Variants in CCDC47 observed in about 807,000 individuals in gnomAD.
The protein encoded by CCDC47 is coiled-coil domain containing 47.
A neutral mutation model predicts 60.5 loss-of-function variants in CCDC47; 41 were observed. That is an observed-to-expected ratio of 0.68 (90% CI 0.53 to 0.88). The LOEUF is 0.88. Among genes scored for constraint, CCDC47 ranks in the 40% least tolerant of loss-of-function variants. The pLI is 0.00. For synonymous variants in CCDC47, 195 were observed against 190.7 expected, an observed-to-expected ratio of 1.02 and a Z score of -0.18; for missense variants, 513 against 580.9, an observed-to-expected ratio of 0.88 and a Z score of 1.20.
At chr17:63,765,316 C>T (rs1332258382) in intron 2 of CCDC47, among the ~76,000 whole-genome samples, 1 of 151,886 alleles carries the variant, frequency 6.6e-6, no homozygotes, top group African/African-American at 2.4e-5. Flanking sequence ...GATGAGTCCC[C>T]ATGCTTTTGA....
intron 12 of CCDC47, among the ~76,000 whole-genome samples, chr17:63,748,029 A>G (rs937410196): frequency 6.8e-6 from 1 of 147,590 alleles, no homozygotes; most frequent in Non-Finnish European, 1.5e-5. Flanking sequence ...TGATTTTTGT[A>G]TTTTTAGCAG....
chr17:63,764,166 A>G lies in CCDC47; in HGVS notation c.397T>C (p.Trp133Arg). ...VDVPAHLQNS[W>R]ESYYLEILMV... ...AAAATTTCTAGATAATAACTCTCCCAGCTGTTCTGGAGGTGTGCAGGAACC... is the reference window on the plus strand; with the variant it reads ...AAAATTTCTAGATAATAACTCTCCCGGCTGTTCTGGAGGTGTGCAGGAACC... Residue 133 changes from tryptophan to arginine, a missense_variant, in exon 4 of 13, where the codon TGG (tryptophan) becomes CGG (arginine). Trp to Arg is a moderately radical substitution (Grantham distance 101, BLOSUM62 -3). Coordinates refer to ENST00000225726, the MANE Select transcript of CCDC47 (RefSeq NM_020198.3). 6 of 1,611,058 alleles carry G rather than the reference A, an allele frequency of 3.7e-6. No homozygotes were observed. The Middle Eastern group carries it at 9.9e-4, about 266-fold the overall frequency.
At chr17:63,753,583 G>C (rs1188333074) in intron 9 of CCDC47, 1 of 939,340 alleles carries the variant, frequency 1.1e-6, no homozygotes, top group African/African-American at 1.8e-5. Context: ...ATGCTCTCCT[G>C]AGACAGGCTG....
At position 63,756,581 on chromosome 17, in the gene CCDC47, A is replaced by G; in HGVS notation, c.736-11T>C. 6.2e-7 allele frequency: 1 copy of G among 1,600,550 alleles called. No homozygotes were observed. Among genetic ancestry groups the G allele is most frequent in the African/African-American group, 1.3e-5 (1 of 74,702 alleles). ...GGTTACTTTTATTTGCTTTTAAAAA[A>G]ATGTAAAAAACAACAAAATTCACCT... is the stretch of plus-strand genomic sequence containing the variant. On this transcript the variant is annotated splice_polypyrimidine_tract_variant and intron_variant, in intron 6 of 12. Coordinates refer to ENST00000225726, the MANE Select transcript of CCDC47 (RefSeq NM_020198.3).
intron 12 of CCDC47, among the ~76,000 whole-genome samples, chr17:63,751,422 G>C (rs1276883818): frequency 2.2e-5 from 3 of 134,498 alleles, no homozygotes; most frequent in African/African-American, 5.5e-5. Flanking sequence ...CTGGACTATG[G>C]CATCTTATTT....
chr17:63,756,551 T>C lies in CCDC47; in HGVS notation c.755A>G (p.Asn252Ser), dbSNP rs1389669917. The change falls in exon 7 of 13, where the codon AAT becomes AGT. Residue 252 changes from asparagine to serine, a missense_variant. Physicochemically the swap from Asn to Ser is conservative, Grantham distance 46. Coordinates refer to ENST00000225726, the MANE Select transcript of CCDC47 (RefSeq NM_020198.3). ...TACGTAGGTATCCATGTCTTCATCATTCATGGTTACTTTTATTTGCTTTTA... is the reference window on the plus strand; with the variant it reads ...TACGTAGGTATCCATGTCTTCATCACTCATGGTTACTTTTATTTGCTTTTA... ...SDQVQIKVTM[N>S]DEDMDTYVFA... 4 of 1,613,236 alleles carry C rather than the reference T, an allele frequency of 2.5e-6. No homozygotes were observed. The highest frequency in any genetic ancestry group is 3.4e-6 in the Non-Finnish European group (4 of 1,179,182).
intron 12 of CCDC47, among the ~76,000 whole-genome samples, chr17:63,749,983 A>T (rs1182470280): frequency 6.6e-6 from 1 of 152,076 alleles, no homozygotes; most frequent in African/African-American, 2.4e-5. Flanking sequence ...AAATTAAAAG[A>T]AAAAAAGGAG....
intron 6 of CCDC47, among the ~76,000 whole-genome samples, chr17:63,760,208 G>A (rs35844156): frequency 0.23 from 35,580 of 151,926 alleles, 4,362 homozygotes; most frequent in Middle Eastern, 0.34. Flanking sequence ...GAGCTTATTC[G>A]GCCAGAAACG....
In CCDC47 at chr17:63,752,342, T is replaced by C. The variant is rs748826077; in HGVS notation, c.1181A>G (p.Lys394Arg). The change falls in exon 11 of 13, where the codon AAA becomes AGA. Residue 394 changes from lysine to arginine, a missense_variant. By Grantham distance (26) the Lys-to-Arg change is conservative. Transcript: ENST00000225726. ...NMVIYSIDKAKKFRLNREGKQ... is the reference protein window; with the variant it reads ...NMVIYSIDKARKFRLNREGKQ... ...TACTTCTCTGTTGAGTCGGAACTTT[T>C]TGGCTTTATCAATAGAATAAATCAC... is the stretch of plus-strand genomic sequence containing the variant. 2 of 1,613,520 alleles carry C rather than the reference T, an allele frequency of 1.2e-6. No individual in the cohort carries two copies. The highest frequency in any genetic ancestry group is 8.5e-7 in the Non-Finnish European group (1 of 1,179,486).
chr17:63,768,901 T>C (rs2039315559), intron 1 of CCDC47, among the ~76,000 whole-genome samples: 1 of 151,766 alleles, frequency 6.6e-6, no homozygotes, highest in South Asian at 2.1e-4. Context: ...CTGGCCAACA[T>C]GGTAAAATCC....
intron 6 of CCDC47, among the ~76,000 whole-genome samples, chr17:63,757,376 TAA>T (rs200173061): frequency 5.2e-4 from 69 of 131,558 alleles, no homozygotes; most frequent in Admixed American, 6.0e-4. Context: ...CAAAAAAAAT[TAA>T]AAAAAAAAAA....
chr17:63,754,578 CTAAAGA>C, intron 8 of CCDC47, 60 bp from the exon 9 acceptor site: 1 of 1,104,270 alleles, frequency 9.1e-7, no homozygotes, highest in Non-Finnish European at 1.3e-6. Flanking sequence ...CCTTTTTTTC[CTAAAGA>C]TATTCACTCT....
At position 63,769,961 on chromosome 17, in the gene CCDC47, C is replaced by CTT. The variant is rs397857898; in HGVS notation, c.-20+3449_-20+3450dup. 1.6e-3 allele frequency among the ~76,000 whole-genome samples: 208 copies of CTT among 128,402 alleles called. 1 individual carries two copies. Among genetic ancestry groups the CTT allele is most frequent in the East Asian group, 9.1e-3 (41 of 4,512 alleles). The allele number at this position is 128,402 out of a possible 152,430, so 84.2% of individuals were successfully genotyped here. ...GGATATTTTGTCTTTATTTTTCTTT[C>CTT]TTTTTTTTTTTTTTTTTGAGGCAGA... is the stretch of plus-strand genomic sequence containing the variant. On this transcript the variant is annotated intron_variant, in intron 1 of 12. Transcript: ENST00000225726.
Position 63,751,923 on chromosome 17 carries a change from TGA to T in CCDC47, c.1371+15_1371+16del, listed in dbSNP as rs1252941558. 1 of 1,613,418 alleles carries T rather than the reference TGA, an allele frequency of 6.2e-7. No homozygotes were observed. Among genetic ancestry groups the T allele is most frequent in the African/African-American group, 1.3e-5 (1 of 74,918 alleles). On this transcript the variant is annotated intron_variant, in intron 12 of 12. Transcript: ENST00000225726. Reference sequence around the variant, plus strand: ...CTTACAAATCGTAGTTTTACCCCAGTGATAAGTTTGTCTAACCTCCAGCCTGC... The same window carrying T: ...CTTACAAATCGTAGTTTTACCCCAGTTAAGTTTGTCTAACCTCCAGCCTGC...
Position 63,761,253 on chromosome 17 carries a change from C to T in CCDC47, c.646G>A (p.Glu216Lys). The part of the protein sequence containing the change: ...NLWCSGRVCC[E>K]GMLIQLRFLK... ...ACCCTCAGCTGGATAAGCATGCCCTCACAGCACACTCGACCAGAACACCAC... is the reference window on the plus strand; with the variant it reads ...ACCCTCAGCTGGATAAGCATGCCCTTACAGCACACTCGACCAGAACACCAC... Residue 216 changes from glutamate to lysine, a missense_variant, in exon 5 of 13, where the codon GAG becomes AAG. By Grantham distance (56) the Glu-to-Lys change is moderately conservative (BLOSUM62 1). Transcript: ENST00000225726. 2 of 1,614,142 alleles carry T rather than the reference C, an allele frequency of 1.2e-6. No homozygotes were observed. Among genetic ancestry groups the T allele is most frequent in the Non-Finnish European group, 1.7e-6 (2 of 1,180,000 alleles).
intron 4 of CCDC47, 180 bp from the exon 5 acceptor site, chr17:63,761,531 A>AG: frequency 1.3e-5 from 6 of 464,668 alleles, no homozygotes; most frequent in Non-Finnish European, 2.2e-5. Flanking sequence ...AAAAAAAAAA[A>AG]AAAAAATTAT....
chr17:63,762,785 C>G (rs1241036424), intron 4 of CCDC47, among the ~76,000 whole-genome samples: 2 of 152,154 alleles, frequency 1.3e-5, no homozygotes, highest in Non-Finnish European at 2.9e-5. Context: ...TATCAAGCTA[C>G]CTAAAATGTC....
intron 4 of CCDC47, 180 bp from the exon 5 acceptor site, chr17:63,761,531 A>AAG (rs1555716425): frequency 1.4e-4 from 65 of 464,664 alleles, no homozygotes; most frequent in Middle Eastern, 6.4e-4. Flanking sequence ...AAAAAAAAAA[A>AAG]AAAAAATTAT....
Position 63,752,089 on chromosome 17 carries a change from T to A in CCDC47, c.1222A>T (p.Lys408Ter). The change falls in exon 12 of 13, where the codon AAG becomes TAG. Residue 408 changes from lysine to a stop codon, truncating the protein, a stop_gained. Transcript: ENST00000225726. LOFTEE classifies it high-confidence loss of function. The stretch of plus-strand genomic sequence containing the variant: ...TTCTCTTCTACTCGGGCACGGTTCT[T>A]ATCTGCTTTTTGTTTGCCCTTCCCC... The part of the protein sequence containing the change: ...LNREGKQKAD[K>*]NRARVEENFL... 1 of 1,613,746 alleles carries A rather than the reference T, an allele frequency of 6.2e-7. No homozygotes were observed. The highest frequency in any genetic ancestry group is 8.5e-7 in the Non-Finnish European group (1 of 1,179,948).
Sources: allele counts gnomAD v4.1 joint callset (sites outside exome capture counted in the v4.1 genomes callset), GRCh38; gene constraint gnomAD v4.1.1; transcripts MANE v1.5; gene names NCBI Gene and HGNC (gene_info 2026-07-23, HGNC 2026-07-21).